The following SPATA13 variants were observed in gnomAD, a reference collection of about 807,000 sequenced individuals.
The protein encoded by SPATA13 is spermatogenesis-associated protein 13.
Under a neutral mutation model 104.0 loss-of-function variants are expected in SPATA13, and 50 were observed. The observed-to-expected ratio is 0.48, with a 90% CI of 0.38 to 0.61. The LOEUF is 0.61. Among genes scored for constraint, SPATA13 ranks in the 20% least tolerant of loss-of-function variants. SPATA13 has a pLI of 0.00. For synonymous variants in SPATA13, 606 were observed against 667.5 expected (o/e 0.91, Z 1.42); for missense variants, 1,524 against 1,690.6 (o/e 0.90, Z 1.73).
At chr13:24,181,506 T>G (rs1319609628) in intron 1 of SPATA13, among the ~76,000 whole-genome samples, 1 of 152,216 alleles carries the variant, frequency 6.6e-6, no homozygotes, top group Non-Finnish European at 1.5e-5. Flanking sequence ...AAATTTGTTT[T>G]GCACTTCTTA....
At chr13:24,191,784 A>G (rs1163587020) in intron 1 of SPATA13, among the ~76,000 whole-genome samples, 1 of 152,106 alleles carries the variant, frequency 6.6e-6, no homozygotes, top group African/African-American at 2.4e-5. Context: ...TGCTGGGATT[A>G]CAGGCGTGAG....
intron 3 of SPATA13, among the ~76,000 whole-genome samples, chr13:24,085,650 C>T (rs1486564524): frequency 6.6e-6 from 1 of 152,206 alleles, no homozygotes; most frequent in Admixed American, 6.5e-5. Context: ...TTACTCACTT[C>T]CATGTGGCCC....
At position 24,289,139 on chromosome 13, in the gene SPATA13, A is replaced by G. The variant is rs752590230; in HGVS notation, c.2808A>G (p.Glu936=). 1.9e-5 allele frequency: 30 copies of G among 1,611,490 alleles called. No homozygotes were observed. Among genetic ancestry groups the G allele is most frequent in the African/African-American group, 2.7e-5 (2 of 74,706 alleles). The change falls in exon 8 of 13, where the codon GAA becomes GAG. Residue 936 remains glutamate (E), a synonymous_variant. Transcript: ENST00000382108. ...KDLEKQYNKE[E]PHLSEIGSCF... ...TTGAGAAACAGTACAACAAAGAGGAACCTCACTTAAGTGAAATAGGATCTT... is the reference window on the plus strand; with the variant it reads ...TTGAGAAACAGTACAACAAAGAGGAGCCTCACTTAAGTGAAATAGGATCTT...
intron 2 of SPATA13, among the ~76,000 whole-genome samples, chr13:23,997,847 C>T (rs961882998): frequency 1.3e-5 from 2 of 152,086 alleles, no homozygotes; most frequent in African/African-American, 4.8e-5. Flanking sequence ...ATGAGGGATC[C>T]ACCCTCATGA....
chr13:24,197,381 A>G (rs9551077), intron 1 of SPATA13, among the ~76,000 whole-genome samples: 9,848 of 152,302 alleles, frequency 0.065, 487 homozygotes, highest in East Asian at 0.23. Context: ...AAACGTAACT[A>G]TCTCTTAAAT....
Position 24,303,408 on chromosome 13 carries a change from GAAAGAAGATGC to G in SPATA13, c.*637_*647del. 1 of 207,556 alleles carries G rather than the reference GAAAGAAGATGC, an allele frequency of 4.8e-6. No individual in the cohort carries two copies. Among genetic ancestry groups the G allele is most frequent in the Non-Finnish European group, 1.0e-5 (1 of 96,442 alleles). 12.9% of individuals were successfully genotyped at this position (207,556 alleles called of 1,614,324 possible). ...CCTCTTCCTGCAAGCAAAGTGGAGA[GAAAGAAGATGC>G]ATCTGTCACCTTCATCAGGGTCCTC... On this transcript the variant is annotated 3_prime_UTR_variant, in exon 13 of 13. Coordinates refer to ENST00000382108, the MANE Select transcript of SPATA13 (RefSeq NM_001166271.3).
At chr13:24,109,567 G>GT (rs755113004) in intron 3 of SPATA13, among the ~76,000 whole-genome samples, 6 of 152,240 alleles carry the variant, frequency 3.9e-5, no homozygotes, top group African/African-American at 1.4e-4. Flanking sequence ...TCTTAAAAGG[G>GT]TGACAAGATA....
intron 3 of SPATA13, among the ~76,000 whole-genome samples, chr13:24,063,503 C>T (rs573926884): frequency 6.6e-6 from 1 of 152,086 alleles, no homozygotes; most frequent in African/African-American, 2.4e-5. Flanking sequence ...GGCCTTTCCT[C>T]CCAAACATGC....
chr13:24,108,286 CA>C (rs1263374668), intron 3 of SPATA13, among the ~76,000 whole-genome samples: 2 of 152,270 alleles, frequency 1.3e-5, no homozygotes, highest in African/African-American at 4.8e-5. Flanking sequence ...ATTCGGGAGA[CA>C]CATTCAGACC....
chr13:24,149,279 A>G (rs1242148240), intron 3 of SPATA13, among the ~76,000 whole-genome samples: 4 of 152,204 alleles, frequency 2.6e-5, no homozygotes, highest in African/African-American at 9.7e-5. Flanking sequence ...ACAACCCAAG[A>G]GAGAAGAGAG....
rs114566123 is a variant in SPATA13 at position 24,241,439 on chromosome 13, C to T, written c.1654-8038C>T. ...GCATTTGTGAGACGGCATTACTCAG[C>T]GAAACGCAGAGTGTTTTGCCATTTA... is the stretch of plus-strand genomic sequence containing the variant. On this transcript the variant is annotated intron_variant, in intron 2 of 12. Coordinates refer to ENST00000382108, the MANE Select transcript of SPATA13 (RefSeq NM_001166271.3). 2.0e-3 allele frequency among the ~76,000 whole-genome samples: 307 copies of T among 152,368 alleles called. 2 individuals are homozygous for T. Among genetic ancestry groups the T allele is most frequent in the African/African-American group, 6.7e-3 (278 of 41,590 alleles).
At chr13:24,239,684 G>T (rs1231122050) in intron 2 of SPATA13, among the ~76,000 whole-genome samples, 1 of 71,764 alleles carries the variant, frequency 1.4e-5, no homozygotes, top group Non-Finnish European at 2.4e-5. Flanking sequence ...GTCGGATAGA[G>T]ACCATATCTA....
chr13:24,049,795 A>G (rs1319648305), intron 3 of SPATA13, among the ~76,000 whole-genome samples: 2 of 152,208 alleles, frequency 1.3e-5, no homozygotes, highest in African/African-American at 4.8e-5. Context: ...TGCAGCCAAC[A>G]GACAGTATCT....
At chr13:24,265,063 G>A (rs1261899984) in intron 4 of SPATA13, among the ~76,000 whole-genome samples, 1 of 152,220 alleles carries the variant, frequency 6.6e-6, no homozygotes, top group African/African-American at 2.4e-5. Flanking sequence ...CATGAAGAGA[G>A]GCACTTTTTC....
intron 12 of SPATA13, among the ~76,000 whole-genome samples, chr13:24,302,240 C>T (rs1425132764): frequency 6.6e-6 from 1 of 152,072 alleles, no homozygotes; most frequent in Non-Finnish European, 1.5e-5. Flanking sequence ...CTGAACATAA[C>T]AAGTGTAGCT....
At chr13:24,111,956 C>G (rs1880655212) in intron 3 of SPATA13, among the ~76,000 whole-genome samples, 1 of 152,206 alleles carries the variant, frequency 6.6e-6, no homozygotes, top group Admixed American at 6.5e-5. Context: ...AGCGGAAGCA[C>G]TTTCTCATTC....
Position 24,270,724 on chromosome 13 carries a change from G to A in SPATA13, c.2165-13411G>A, listed in dbSNP as rs150055493. 109 of 1,536,792 alleles carry A rather than the reference G, an allele frequency of 7.1e-5. 1 individual carries two copies. The East Asian group carries it at 2.0e-3, about 28-fold the overall frequency. ...GGCTCTGGCCGGGAACGCATACAAC[G>A]TCAAAGCAGTGAATAAGCGATTTCT... On this transcript the variant is annotated intron_variant, in intron 4 of 12. Transcript: ENST00000382108.
intron 2 of SPATA13, among the ~76,000 whole-genome samples, chr13:23,994,832 C>T (rs12864809): frequency 0.088 from 13,427 of 152,208 alleles, 720 homozygotes; most frequent in Middle Eastern, 0.15. Context: ...TGGCTTGTAA[C>T]CAAGCCCTAC....
At chr13:24,290,258 C>A (rs1162409769) in intron 8 of SPATA13, among the ~76,000 whole-genome samples, 2 of 152,164 alleles carry the variant, frequency 1.3e-5, no homozygotes, top group Non-Finnish European at 2.9e-5. Flanking sequence ...TAGTTGTAAA[C>A]CACAAAGAAT....
Sources: gnomAD v4.1 joint callset for allele counts (sites outside exome capture counted in the v4.1 genomes callset) on GRCh38, gnomAD v4.1.1 for gene constraint, MANE v1.5 for transcripts, NCBI Gene and HGNC (gene_info 2026-07-23, HGNC 2026-07-21) for gene names.